Variants in CACNA2D3 observed in about 807,000 individuals in gnomAD.
CACNA2D3 encodes calcium voltage-gated channel auxiliary subunit alpha2delta 3.
Under a neutral mutation model 160.6 loss-of-function variants are expected in CACNA2D3, and 60 were observed. The ratio of observed to expected loss-of-function variants is 0.37; its 90% CI spans 0.30 to 0.46. The LOEUF is 0.46. CACNA2D3 is among the 20% of genes least tolerant of loss of function. The pLI, the probability that CACNA2D3 is intolerant of heterozygous loss-of-function variation, is 1.00. For missense variants in CACNA2D3, 1,205 were observed against 1,365.0 expected, an observed-to-expected ratio of 0.88 and a Z score of 1.85; for synonymous variants, 558 against 492.9, an observed-to-expected ratio of 1.13 and a Z score of -1.75.
intron 15 of CACNA2D3, 59 bp downstream of exon 15, chr3:54,837,289 C>T (rs1698715491): frequency 2.3e-6 from 3 of 1,329,310 alleles, no homozygotes; most frequent in African/African-American, 2.9e-5. Context: ...CTCAGACCCC[C>T]TCTGACTCCA....
intron 2 of CACNA2D3, among the ~76,000 whole-genome samples, chr3:54,320,092 A>G (rs1419177057): frequency 6.6e-6 from 1 of 152,204 alleles, no homozygotes; most frequent in Non-Finnish European, 1.5e-5. Context: ...CAGATAAACT[A>G]CCAGGGTATG....
chr3:55,037,034 G>T (rs1703834269), intron 35 of CACNA2D3, among the ~76,000 whole-genome samples: 1 of 37,006 alleles, frequency 2.7e-5, no homozygotes. Context: ...TGCATGGCCA[G>T]GCTGGGAAAA....
chr3:54,129,522 T>G (rs1699663720), intron 2 of CACNA2D3, among the ~76,000 whole-genome samples: 1 of 152,192 alleles, frequency 6.6e-6, no homozygotes, highest in Non-Finnish European at 1.5e-5. Flanking sequence ...GAAACCAAAC[T>G]ATTGGCGCAC....
At chr3:54,984,561 G>C in intron 29 of CACNA2D3, 47 bp from the exon 30 acceptor site, 1 of 1,122,356 alleles carries the variant, frequency 8.9e-7, no homozygotes, top group Non-Finnish European at 1.3e-6. Flanking sequence ...GTGATGGCCC[G>C]AAGTTGAAGC....
intron 35 of CACNA2D3, among the ~76,000 whole-genome samples, chr3:55,052,388 T>C (rs1259532182): frequency 6.6e-6 from 1 of 151,786 alleles, no homozygotes; most frequent in Non-Finnish European, 1.5e-5. Context: ...TATGAACATA[T>C]ATATACATAT....
intron 27 of CACNA2D3, among the ~76,000 whole-genome samples, chr3:54,913,619 T>A (rs1700603451): frequency 6.6e-6 from 1 of 152,188 alleles, no homozygotes; most frequent in South Asian, 2.1e-4. Flanking sequence ...GTTTTAGTAG[T>A]ACCAGAGCTC....
intron 35 of CACNA2D3, among the ~76,000 whole-genome samples, chr3:55,024,432 T>A (rs1231422204): frequency 3.9e-5 from 6 of 151,986 alleles, no homozygotes; most frequent in Admixed American, 3.9e-4. Context: ...ATCCCCAATG[T>A]GATAGTATTA....
intron 2 of CACNA2D3, among the ~76,000 whole-genome samples, chr3:54,135,280 C>T (rs2107259316): frequency 6.6e-6 from 1 of 152,296 alleles, no homozygotes; most frequent in Non-Finnish European, 1.5e-5. Flanking sequence ...TGCAACATAC[C>T]TGCAGCATCC....
At chr3:54,526,497 G>C (rs1301951987) in intron 5 of CACNA2D3, among the ~76,000 whole-genome samples, 1 of 152,048 alleles carries the variant, frequency 6.6e-6, no homozygotes, top group African/African-American at 2.4e-5. Flanking sequence ...ATTGTTATTT[G>C]ATTTTAGTGA....
intron 4 of CACNA2D3, among the ~76,000 whole-genome samples, chr3:54,461,755 G>T (rs536764385): frequency 2.6e-4 from 39 of 151,948 alleles, no homozygotes; most frequent in African/African-American, 8.0e-4. Context: ...TTTTTGAAGG[G>T]TTTTTTGTGT....
At chr3:54,559,169 G>T (rs1161622753) in intron 5 of CACNA2D3, among the ~76,000 whole-genome samples, 1 of 152,150 alleles carries the variant, frequency 6.6e-6, no homozygotes, top group Non-Finnish European at 1.5e-5. Context: ...GTCTTCAGAG[G>T]TTAAAAAGAA....
rs147809043 is a variant in CACNA2D3, at chr3:54,910,006, G to A, written c.2449+10138G>A. Among the ~76,000 whole-genome samples, 54 of 152,262 alleles carry A rather than the reference G, an allele frequency of 3.5e-4. No homozygotes were observed. In the East Asian group the frequency reaches 9.1e-3, roughly 26 times the overall value. ...CAGTGTCTGGTGGGAAAGGGACAGT[G>A]CTGATCAAAGGCTTTTTATTCCCAA... On this transcript the variant is annotated intron_variant, in intron 27 of 37. Transcript: ENST00000474759.
chr3:54,637,806 G>C (rs1699411647), intron 10 of CACNA2D3: 1 of 152,048 alleles, frequency 6.6e-6, no homozygotes, highest in Non-Finnish European at 1.5e-5. Flanking sequence ...AGAGTTCCAG[G>C]AGCTCTGGGA....
intron 10 of CACNA2D3, among the ~76,000 whole-genome samples, chr3:54,633,045 G>T (rs896269079): frequency 1.3e-5 from 2 of 152,264 alleles, no homozygotes; most frequent in Admixed American, 1.3e-4. Flanking sequence ...CCAGGGCCAG[G>T]ACTAAGATGA....
intron 5 of CACNA2D3, among the ~76,000 whole-genome samples, chr3:54,546,726 A>G (rs550257737): frequency 1.3e-5 from 2 of 151,900 alleles, no homozygotes; most frequent in African/African-American, 4.8e-5. Flanking sequence ...ACACACACAC[A>G]CACACAGACG....
At position 54,276,590 on chromosome 3, in the gene CACNA2D3, A is replaced by C. The variant is rs1702744961; in HGVS notation, c.205-43852A>C. Among the ~76,000 whole-genome samples, 7 of 133,006 alleles carry C rather than the reference A, an allele frequency of 5.3e-5. No homozygotes were observed. In the Admixed American group the frequency reaches 5.4e-4, roughly 10 times the overall value. 87.3% of individuals were successfully genotyped at this position (133,006 alleles called of 152,430 possible). On this transcript the variant is annotated intron_variant, in intron 2 of 37. Transcript: ENST00000474759. ...TCTGTCTCAAAAAAAAAAAAAAAAA[A>C]GAAGAAGAAGAAAGAGAGAGCCATT... is the stretch of plus-strand genomic sequence containing the variant.
chr3:54,737,602 G>A (rs1701559928), intron 11 of CACNA2D3, among the ~76,000 whole-genome samples: 1 of 152,082 alleles, frequency 6.6e-6, no homozygotes, highest in Non-Finnish European at 1.5e-5. Context: ...GAAGGGGTCA[G>A]GACATTTTGA....
chr3:54,793,001 C>T (rs1488199819), intron 13 of CACNA2D3, among the ~76,000 whole-genome samples: 1 of 152,150 alleles, frequency 6.6e-6, no homozygotes, highest in Non-Finnish European at 1.5e-5. Flanking sequence ...GCCTATGAGC[C>T]TAAGCAAAAC....
intron 9 of CACNA2D3, among the ~76,000 whole-genome samples, chr3:54,602,732 C>T (rs1703086894): frequency 6.6e-6 from 1 of 152,028 alleles, no homozygotes; most frequent in Non-Finnish European, 1.5e-5. Context: ...ATAAAAGAGT[C>T]CTGAATTATG....
Sources: allele counts gnomAD v4.1 joint callset (sites outside exome capture counted in the v4.1 genomes callset), GRCh38; gene constraint gnomAD v4.1.1; transcripts MANE v1.5; gene names NCBI Gene and HGNC (gene_info 2026-07-23, HGNC 2026-07-21).